Variants in TG observed in about 807,000 individuals in gnomAD.
The protein encoded by TG is thyroid hormones.
Under a neutral mutation model 324.7 loss-of-function variants are expected in TG, and 270 were observed. The ratio of observed to expected loss-of-function variants is 0.83; its 90% CI spans 0.75 to 0.92. TG has a LOEUF of 0.92. Among genes scored for constraint, TG ranks in the 40% least tolerant of loss-of-function variants. The pLI, the probability that TG is intolerant of heterozygous loss-of-function variation, is 0.00. For missense variants in TG, 3,591 were observed against 3,456.4 expected, an observed-to-expected ratio of 1.04 and a Z score of -0.98; for synonymous variants, 1,401 against 1,327.0, an observed-to-expected ratio of 1.06 and a Z score of -1.21.
intron 45 of TG, 119 bp downstream of exon 45, chr8:133,116,835 G>T (rs1261443362): frequency 2.4e-6 from 2 of 840,522 alleles, no homozygotes; most frequent in African/African-American, 3.4e-5. Flanking sequence ...CTGAGAAATA[G>T]AAATAATTGT....
intron 31 of TG, 143 bp downstream of exon 31, chr8:132,968,113 C>G: frequency 9.8e-7 from 1 of 1,021,016 alleles, no homozygotes. Flanking sequence ...GAACATGGAT[C>G]CAAACTTTCA....
rs1233746495 is a variant in TG at position 133,042,731 on chromosome 8, C to CCA, written c.7239+12713_7239+12714dup. ...TTTTGTGAGATGGAGTCTTGCTCTG[C>CCA]CACACAAGCTGGAGTACAGCAGCAC... On this transcript the variant is annotated intron_variant, in intron 41 of 47. Transcript: ENST00000220616. Among the ~76,000 whole-genome samples, 6 of 117,256 alleles carry CCA rather than the reference C, an allele frequency of 5.1e-5. No homozygotes were observed. In the East Asian group the frequency reaches 1.8e-3, roughly 35 times the overall value. The allele number at this position is 117,256 out of a possible 152,430, so 76.9% of individuals were successfully genotyped here.
Position 132,941,464 on chromosome 8 carries a change from G to A in TG, c.5155G>A (p.Asp1719Asn), listed in dbSNP as rs752652095. Residue 1719 changes from aspartate to asparagine, a missense_variant, in exon 26 of 48, where the codon GAT (aspartate) becomes AAT (asparagine). By Grantham distance (23) the Asp-to-Asn change is conservative (BLOSUM62 1). Transcript: ENST00000220616. ...CTCAGCCTCAGGAGCCAATCTAACC[G>A]ATGCTCACCTCTTCTGTCTTCTTGC... ...VFSASGANLT[D>N]AHLFCLLACD... 5 of 1,614,178 alleles carry A rather than the reference G, an allele frequency of 3.1e-6. No homozygotes were observed. The highest frequency in any genetic ancestry group is 1.7e-5 in the Admixed American group (1 of 60,018).
At chr8:132,995,515 A>C in intron 35 of TG, 1 of 985,378 alleles carries the variant, frequency 1.0e-6, no homozygotes, top group Non-Finnish European at 1.2e-6. Context: ...CACTTTGCTT[A>C]GATCAGATTG....
intron 23 of TG, among the ~76,000 whole-genome samples, chr8:132,930,540 G>A (rs1822553984): frequency 6.6e-6 from 1 of 152,112 alleles, no homozygotes. Flanking sequence ...AAATTAGCCA[G>A]GCATGTTGGT....
chr8:132,930,667 A>G (rs1365090286), intron 23 of TG, among the ~76,000 whole-genome samples: 1 of 146,994 alleles, frequency 6.8e-6, no homozygotes, highest in Non-Finnish European at 1.5e-5. Context: ...CCTGGGCATC[A>G]AGAGTGAAAC....
At chr8:133,068,164 A>G (rs1249572111) in intron 41 of TG, among the ~76,000 whole-genome samples, 2 of 152,214 alleles carry the variant, frequency 1.3e-5, no homozygotes, top group Non-Finnish European at 2.9e-5. Context: ...GAGGGCAAGC[A>G]ATCTGCTCAA....
At chr8:132,997,965 G>T (rs994187446) in intron 35 of TG, among the ~76,000 whole-genome samples, 1 of 152,082 alleles carries the variant, frequency 6.6e-6, no homozygotes, top group African/African-American at 2.4e-5. Context: ...CTTACAAGGG[G>T]GATATTTCAG....
At chr8:132,921,547 C>A (rs1474889389) in intron 21 of TG, among the ~76,000 whole-genome samples, 1 of 152,202 alleles carries the variant, frequency 6.6e-6, no homozygotes, top group African/African-American at 2.4e-5. Context: ...AAGCACAGGG[C>A]AGAAGAGTCT....
intron 41 of TG, chr8:133,048,812 G>A (rs1220010976): frequency 2.9e-5 from 5 of 171,620 alleles, no homozygotes; most frequent in African/African-American, 1.2e-4. Flanking sequence ...AAGCATGGAA[G>A]TGGCATCTGG....
intron 34 of TG, among the ~76,000 whole-genome samples, chr8:132,973,988 CT>C (rs869164425): frequency 0.057 from 6,465 of 112,968 alleles, 322 homozygotes; most frequent in African/African-American, 0.22. Context: ...TTGACCATTC[CT>C]TTTTTTTTTT....
intron 43 of TG, among the ~76,000 whole-genome samples, chr8:133,105,016 T>G (rs948816672): frequency 6.6e-6 from 1 of 152,218 alleles, no homozygotes; most frequent in African/African-American, 2.4e-5. Context: ...AGGAGTGTTG[T>G]GTCTCCATCT....
intron 45 of TG, among the ~76,000 whole-genome samples, chr8:133,127,335 G>A (rs1337729835): frequency 6.6e-6 from 1 of 152,202 alleles, no homozygotes; most frequent in African/African-American, 2.4e-5. Context: ...TCTGAAATGA[G>A]GCTTTTGGCT....
chr8:133,007,321 A>ATT (rs1365165851), intron 35 of TG, among the ~76,000 whole-genome samples: 1 of 151,574 alleles, frequency 6.6e-6, no homozygotes, highest in Non-Finnish European at 1.5e-5. Flanking sequence ...GTGTTTTTAA[A>ATT]TTTTTTTTTA....
chr8:132,883,779 T>G (rs1814999945), intron 8 of TG, among the ~76,000 whole-genome samples: 2 of 152,146 alleles, frequency 1.3e-5, no homozygotes, highest in Admixed American at 1.3e-4. Flanking sequence ...AGAAGGTCAT[T>G]GCCATGTTCC....
intron 40 of TG, 87 bp downstream of exon 40, chr8:133,022,237 T>G (rs1835634263): frequency 6.4e-6 from 10 of 1,572,070 alleles, no homozygotes; most frequent in African/African-American, 1.4e-5. Flanking sequence ...TCACTGCCCC[T>G]GCTCCTCCTC....
chr8:132,917,992 T>A (rs1820605928), intron 20 of TG, among the ~76,000 whole-genome samples: 1 of 151,750 alleles, frequency 6.6e-6, no homozygotes, highest in Non-Finnish European at 1.5e-5. Flanking sequence ...TTTTGAGGGA[T>A]TTAACTGAGG....
rs753308331 is a variant in TG, at chr8:132,887,380, C to T, written c.2008C>T (p.Gln670Ter). Residue 670 changes from glutamine to a stop codon, truncating the protein, a stop_gained, in exon 9 of 48, where the codon CAA (glutamine) becomes TAA (stop). Coordinates refer to ENST00000220616, the MANE Select transcript of TG (RefSeq NM_003235.5). LOFTEE classifies it high-confidence loss of function. ...CTGTGAAAAGCAAAGGGCTCGCATGCAAAGCCTCATGGGCAGCCAGCCTGC... is the reference window on the plus strand; with the variant it reads ...CTGTGAAAAGCAAAGGGCTCGCATGTAAAGCCTCATGGGCAGCCAGCCTGC... ...TDCEKQRARM[Q>*]SLMGSQPAGS... 5 of 1,614,200 alleles carry T rather than the reference C, an allele frequency of 3.1e-6. No homozygotes were observed. In the South Asian group the frequency reaches 4.4e-5, roughly 14 times the overall value.
Position 132,886,762 on chromosome 8 carries a change from C to G in TG, c.1390C>G (p.Pro464Ala). Reference sequence around the variant, plus strand: ...TCTTGCCCTTCAGTTTACCACCAACCCAAAGAGACTCCAGCAAAACCTTTT... The same window carrying G: ...TCTTGCCCTTCAGTTTACCACCAACGCAAAGAGACTCCAGCAAAACCTTTT... ...ARLALQFTTN[P>A]KRLQQNLFGG... is the part of the protein sequence containing the mutation. The change falls in exon 9 of 48, where the codon CCA becomes GCA. Residue 464 changes from proline (P) to alanine (A), a missense_variant. Coordinates refer to ENST00000220616, the MANE Select transcript of TG (RefSeq NM_003235.5). 6.2e-7 allele frequency: 1 copy of G among 1,614,188 alleles called. No homozygotes were observed. The highest frequency in any genetic ancestry group is 8.5e-7 in the Non-Finnish European group (1 of 1,180,040).
Sources: allele counts gnomAD v4.1 joint callset (sites outside exome capture counted in the v4.1 genomes callset), GRCh38; gene constraint gnomAD v4.1.1; transcripts MANE v1.5; gene names NCBI Gene and HGNC (gene_info 2026-07-23, HGNC 2026-07-21).